Variants in SCN2A observed in about 807,000 individuals in gnomAD.
SCN2A encodes sodium voltage-gated channel alpha subunit 2.
In SCN2A, 20 loss-of-function variants were observed where a neutral mutation model predicts 188.7. The observed-to-expected ratio is 0.11, with a 90% CI of 0.07 to 0.15. The LOEUF (loss-of-function observed/expected upper bound fraction) is 0.15. Ranked by LOEUF, SCN2A falls within the 10% of genes least tolerant of loss-of-function variation. The pLI, the probability that SCN2A is intolerant of heterozygous loss-of-function variation, is 1.00. For missense variants in SCN2A, 1,278 were observed against 2,445.0 expected (o/e 0.52, Z 10.07); for synonymous variants, 804 against 833.1 (o/e 0.97, Z 0.60).
chr2:165,322,160 A>T (rs1698106687), intron 11 of SCN2A, among the ~76,000 whole-genome samples: 3 of 152,192 alleles, frequency 2.0e-5, no homozygotes, highest in Non-Finnish European at 2.9e-5. Flanking sequence ...CCAAACTTAA[A>T]GCCAATATTT....
Position 165,296,999 on chromosome 2 carries a change from T to C in SCN2A, c.268-18T>C. 1 of 1,294,918 alleles carries C rather than the reference T, an allele frequency of 7.7e-7. No individual in the cohort carries two copies. Among genetic ancestry groups the C allele is most frequent in the African/African-American group, 1.5e-5 (1 of 68,410 alleles). 80.2% of individuals were successfully genotyped at this position (1,294,918 alleles called of 1,614,324 possible). On this transcript the variant is annotated intron_variant, in intron 2 of 26. Transcript: ENST00000375437. Reference sequence around the variant, plus strand: ...TATATTCTAAGTTTTATTTTATGTGTTGTGTTTTCTTTTTCAGACGTTTAT... The same window carrying C: ...TATATTCTAAGTTTTATTTTATGTGCTGTGTTTTCTTTTTCAGACGTTTAT...
chr2:165,290,676 G>A, intron 1 of SCN2A: 1 of 633,936 alleles, frequency 1.6e-6, no homozygotes, highest in Non-Finnish European at 2.0e-6. Context: ...CATCTGTAAA[G>A]TAAGACCTGA....
At chr2:165,309,213 T>A (rs1469737266) in intron 5 of SCN2A, 139 bp from the exon 6 acceptor site, 1 of 1,613,652 alleles carries the variant, frequency 6.2e-7, no homozygotes, top group Non-Finnish European at 8.5e-7. Flanking sequence ...CTCTTCGAAC[T>A]TTCAGAGTCT....
chr2:165,318,402 T>A (rs1262269402), intron 11 of SCN2A, among the ~76,000 whole-genome samples: 1 of 152,222 alleles, frequency 6.6e-6, no homozygotes, highest in African/African-American at 2.4e-5. Flanking sequence ...TTATTATTTA[T>A]TTGTGATAAG....
intron 11 of SCN2A, among the ~76,000 whole-genome samples, chr2:165,318,967 G>A (rs1274507166): frequency 2.6e-5 from 4 of 152,200 alleles, no homozygotes; most frequent in Admixed American, 6.5e-5. Flanking sequence ...TGTTACTAAT[G>A]TAGTTAATAG....
intron 17 of SCN2A, among the ~76,000 whole-genome samples, chr2:165,361,526 C>T (rs576354781): frequency 3.9e-5 from 6 of 152,104 alleles, no homozygotes; most frequent in Non-Finnish European, 5.9e-5. Context: ...TTTCACAAGA[C>T]GATAAAACTC....
intron 14 of SCN2A, among the ~76,000 whole-genome samples, chr2:165,340,411 A>G (rs2043256): frequency 0.71 from 107,390 of 152,102 alleles, 38,131 homozygotes; most frequent in Admixed American, 0.76. Flanking sequence ...CTCTGAGGTA[A>G]CCACCTAGGT....
intron 17 of SCN2A, among the ~76,000 whole-genome samples, chr2:165,357,932 A>G (rs1700260691): frequency 6.6e-6 from 1 of 152,144 alleles, no homozygotes; most frequent in Non-Finnish European, 1.5e-5. Flanking sequence ...CATGTTACTC[A>G]GCTACGTTCC....
intron 10 of SCN2A, among the ~76,000 whole-genome samples, chr2:165,314,528 A>T (rs1005562896): frequency 6.6e-6 from 1 of 152,190 alleles, no homozygotes; most frequent in Non-Finnish European, 1.5e-5. Flanking sequence ...ACCAGAATCA[A>T]ACTAAGAAAA....
chr2:165,243,824 G>A (rs1215438672), intron 1 of SCN2A: 1 of 151,964 alleles, frequency 6.6e-6, no homozygotes, highest in African/African-American at 2.4e-5. Flanking sequence ...CACAGGCGTT[G>A]GTGAGTCATA....
At chr2:165,332,837 C>A (rs2163708) in intron 14 of SCN2A, among the ~76,000 whole-genome samples, 42,306 of 151,796 alleles carry the variant, frequency 0.28, 6,235 homozygotes, top group Middle Eastern at 0.48. Flanking sequence ...GGAACTAGTT[C>A]TAGGTTCTAA....
intron 17 of SCN2A, among the ~76,000 whole-genome samples, 175 bp from the exon 18 acceptor site, chr2:165,364,968 A>G (rs1054716419): frequency 1.3e-5 from 2 of 152,058 alleles, no homozygotes; most frequent in African/African-American, 4.8e-5. Flanking sequence ...ATGGTGTTGT[A>G]TCTAATCTTG....
chr2:165,263,712 A>G (rs777850684), intron 1 of SCN2A, among the ~76,000 whole-genome samples: 28 of 151,964 alleles, frequency 1.8e-4, no homozygotes, highest in Middle Eastern at 6.8e-3. Context: ...TTTTATTTTC[A>G]TATGAATTTT....
At chr2:165,298,685 A>G (rs924393190) in intron 3 of SCN2A, among the ~76,000 whole-genome samples, 1 of 152,184 alleles carries the variant, frequency 6.6e-6, no homozygotes, top group African/African-American at 2.4e-5. Flanking sequence ...TTTGGGTCTC[A>G]TGATTATAAA....
chr2:165,280,379 G>A (rs1160765801), intron 1 of SCN2A, among the ~76,000 whole-genome samples: 2 of 152,072 alleles, frequency 1.3e-5, no homozygotes, highest in Non-Finnish European at 2.9e-5. Context: ...TAAACATCAC[G>A]TTGCTTCACC....
At chr2:165,262,345 T>C (rs1416337700) in intron 1 of SCN2A, among the ~76,000 whole-genome samples, 1 of 152,126 alleles carries the variant, frequency 6.6e-6, no homozygotes, top group Non-Finnish European at 1.5e-5. Context: ...CTGTACCCAA[T>C]GTGTAGTCTC....
At chr2:165,361,538 C>T (rs532193077) in intron 17 of SCN2A, among the ~76,000 whole-genome samples, 58 of 152,154 alleles carry the variant, frequency 3.8e-4, no homozygotes, top group African/African-American at 1.3e-3. Flanking sequence ...ATAAAACTCA[C>T]ATTTCCTTCT....
chr2:165,286,129 C>G (rs1490141893), intron 1 of SCN2A: 1 of 152,408 alleles, frequency 6.6e-6, no homozygotes, highest in Non-Finnish European at 1.5e-5. Context: ...TTTTATTATT[C>G]TTAGAAGACT....
intron 1 of SCN2A, among the ~76,000 whole-genome samples, chr2:165,245,729 G>A (rs1693815311): frequency 1.3e-5 from 2 of 152,148 alleles, no homozygotes; most frequent in Admixed American, 6.5e-5. Context: ...TCTCCACAAC[G>A]ACAGGTATAA....
Sources: allele counts gnomAD v4.1 joint callset (sites outside exome capture counted in the v4.1 genomes callset), GRCh38; gene constraint gnomAD v4.1.1; transcripts MANE v1.5; gene names NCBI Gene and HGNC (gene_info 2026-07-23, HGNC 2026-07-21).